The following MYO5A variants were observed in gnomAD, a reference collection of about 807,000 sequenced individuals.
MYO5A encodes the protein myosin VA.
A neutral mutation model predicts 249.7 loss-of-function variants in MYO5A; 98 were observed. The observed-to-expected ratio is 0.39, with a 90% confidence interval of 0.33 to 0.46. MYO5A has a LOEUF of 0.46. Among genes scored for constraint, MYO5A ranks in the 20% least tolerant of loss-of-function variants. MYO5A has a pLI of 0.98. For synonymous variants in MYO5A, 778 were observed against 810.6 expected, an observed-to-expected ratio of 0.96 and a Z score of 0.68; for missense variants, 1,696 against 2,308.8, an observed-to-expected ratio of 0.73 and a Z score of 5.44.
intron 27 of MYO5A, among the ~76,000 whole-genome samples, chr15:52,352,288 C>T (rs2039993242): frequency 6.6e-6 from 1 of 152,216 alleles, no homozygotes; most frequent in African/African-American, 2.4e-5. Context: ...GACACTAGCA[C>T]ACAAGTGTCA....
chr15:52,465,316 T>C (rs994554993), intron 1 of MYO5A, among the ~76,000 whole-genome samples: 3 of 152,248 alleles, frequency 2.0e-5, no homozygotes, highest in African/African-American at 7.2e-5. Flanking sequence ...GCCCCTTTTA[T>C]TAAGTGTCCT....
intron 25 of MYO5A, 98 bp downstream of exon 25, chr15:52,359,870 G>A (rs2040430850): frequency 1.2e-6 from 1 of 827,666 alleles, no homozygotes; most frequent in Non-Finnish European, 2.0e-6. Flanking sequence ...CAAATACTAT[G>A]TTTATGGCCA....
intron 6 of MYO5A, among the ~76,000 whole-genome samples, chr15:52,409,251 A>G (rs934809155): frequency 5.9e-5 from 9 of 151,940 alleles, no homozygotes; most frequent in African/African-American, 2.2e-4. Flanking sequence ...TCACTTACCT[A>G]TCAATCAAAC....
At chr15:52,318,968 A>G in intron 39 of MYO5A, 92 bp downstream of exon 39, 1 of 1,480,330 alleles carries the variant, frequency 6.8e-7, no homozygotes, top group Non-Finnish European at 9.2e-7. Flanking sequence ...CATGAGATGC[A>G]AGAACTGAAA....
intron 24 of MYO5A, among the ~76,000 whole-genome samples, chr15:52,363,922 A>C (rs911200831): frequency 1.3e-5 from 2 of 152,224 alleles, no homozygotes; most frequent in Non-Finnish European, 2.9e-5. Flanking sequence ...TAAATTTTAC[A>C]TTAGGCCATT....
chr15:52,320,906 G>A (rs907224867), intron 38 of MYO5A, among the ~76,000 whole-genome samples: 9 of 152,000 alleles, frequency 5.9e-5, no homozygotes, highest in South Asian at 2.1e-4. Flanking sequence ...CCAGCTACAC[G>A]GGAGGCTGAG....
At chr15:52,499,844 T>G (rs2077116956) in intron 1 of MYO5A, among the ~76,000 whole-genome samples, 1 of 152,194 alleles carries the variant, frequency 6.6e-6, no homozygotes. Context: ...TTTGGGTATA[T>G]TCCCAGAAGT....
At position 52,407,490 on chromosome 15, in the gene MYO5A, A is replaced by C. The variant is rs895585131; in HGVS notation, c.839-91T>G. 6.0e-6 allele frequency: 5 copies of C among 830,376 alleles called. No homozygotes were observed. The African/African-American group carries it at 8.4e-5, about 14-fold the overall frequency. 51.4% of individuals were successfully genotyped at this position (830,376 alleles called of 1,614,324 possible). On this transcript the variant is annotated intron_variant, in intron 7 of 41. Transcript: ENST00000399233. Reference sequence around the variant, plus strand: ...ACTCTGAATCAGAGGTGGTGATAGCACAGTTGAGTGTACAGCATCTAGAGT... The same window carrying C: ...ACTCTGAATCAGAGGTGGTGATAGCCCAGTTGAGTGTACAGCATCTAGAGT...
At chr15:52,334,936 G>T (rs1043879534) in intron 34 of MYO5A, among the ~76,000 whole-genome samples, 1 of 152,212 alleles carries the variant, frequency 6.6e-6, no homozygotes, top group Non-Finnish European at 1.5e-5. Context: ...TATGACTCTG[G>T]TCTCAAAGGC....
At chr15:52,451,205 T>C in intron 1 of MYO5A, among the ~76,000 whole-genome samples, 1 of 152,100 alleles carries the variant, frequency 6.6e-6, no homozygotes, top group East Asian at 1.9e-4. Flanking sequence ...CGCAGATAGT[T>C]GCTCCTGGGA....
chr15:52,402,452 C>A (rs1331678765), intron 9 of MYO5A, among the ~76,000 whole-genome samples: 1 of 152,156 alleles, frequency 6.6e-6, no homozygotes, highest in African/African-American at 2.4e-5. Flanking sequence ...CTGTAGCTCA[C>A]TTGGCTATGA....
chr15:52,435,952 T>C (rs1288076312), intron 1 of MYO5A, among the ~76,000 whole-genome samples: 2 of 152,174 alleles, frequency 1.3e-5, no homozygotes. Flanking sequence ...AGTTTTCCTC[T>C]TGTTGCCCAG....
chr15:52,389,739 G>C (rs925138898), intron 12 of MYO5A, among the ~76,000 whole-genome samples: 24 of 152,166 alleles, frequency 1.6e-4, no homozygotes, highest in African/African-American at 5.5e-4. Flanking sequence ...GATCACCTGA[G>C]GTCAGGAGTT....
chr15:52,487,195 C>T (rs1023755377), intron 1 of MYO5A, among the ~76,000 whole-genome samples: 1 of 152,032 alleles, frequency 6.6e-6, no homozygotes, highest in Non-Finnish European at 1.5e-5. Context: ...GTGGGAGGAT[C>T]GCATGAGTCC....
At chr15:52,321,553 G>T (rs2038313649) in intron 37 of MYO5A, 44 bp from the exon 38 acceptor site, 1 of 1,599,584 alleles carries the variant, frequency 6.3e-7, no homozygotes, top group African/African-American at 1.3e-5. Flanking sequence ...GAAGTAACCT[G>T]TCTCTTCAGT....
chr15:52,372,429 G>C (rs540185548), intron 20 of MYO5A, 66 bp from the exon 21 acceptor site: 2 of 1,585,492 alleles, frequency 1.3e-6, no homozygotes, highest in South Asian at 2.2e-5. Context: ...ATCAATCTAT[G>C]TCGGGCTGAA....
At chr15:52,525,724 T>C (rs566873727) in intron 1 of MYO5A, among the ~76,000 whole-genome samples, 1 of 152,372 alleles carries the variant, frequency 6.6e-6, no homozygotes, top group East Asian at 1.9e-4. Context: ...ATACTTCTAA[T>C]GATTTTCCTA....
intron 1 of MYO5A, among the ~76,000 whole-genome samples, chr15:52,474,190 TTGTC>T (rs1428568153): frequency 6.6e-6 from 1 of 152,218 alleles, no homozygotes; most frequent in African/African-American, 2.4e-5. Context: ...GGCTCTCTGT[TTGTC>T]TGTTATTGAT....
Position 52,351,161 on chromosome 15 carries a change from A to T in MYO5A, c.3849+93T>A. ...CCTCAATTAGATTAAAAATGCTCTT[A>T]AGTGTTTGCTGCATTATAAACTGGA... On this transcript the variant is annotated intron_variant, in intron 28 of 41. Transcript: ENST00000399233. 3 of 930,764 alleles carry T rather than the reference A, an allele frequency of 3.2e-6. No individual in the cohort carries two copies. The South Asian group carries it at 4.2e-5, about 13-fold the overall frequency. The allele number at this position is 930,764 out of a possible 1,614,324, so 57.7% of individuals were successfully genotyped here. A position where few individuals can be genotyped will look rare whatever the true frequency, so the allele number is the denominator to read the frequency against.
Sources: gnomAD v4.1 joint callset for allele counts (sites outside exome capture counted in the v4.1 genomes callset) on GRCh38, gnomAD v4.1.1 for gene constraint, MANE v1.5 for transcripts, NCBI Gene and HGNC (gene_info 2026-07-23, HGNC 2026-07-21) for gene names.